GSG1L: variants seen among roughly 807,000 people sequenced by gnomAD.
GSG1L encodes the protein germ cell-specific gene 1-like protein.
In GSG1L, 24 loss-of-function variants were observed where a neutral mutation model predicts 42.1. That is an observed-to-expected ratio of 0.57 (90% CI 0.41 to 0.80). The LOEUF is 0.80. Among genes scored for constraint, GSG1L ranks in the 30% least tolerant of loss-of-function variants. The probability of loss-of-function intolerance (pLI) is 0.00; values close to 1 mark genes in which losing one functional copy is unlikely to be tolerated. For missense variants in GSG1L, 445 were observed against 472.2 expected (o/e 0.94, Z 0.53); for synonymous variants, 215 against 203.5 (o/e 1.06, Z -0.48).
intron 1 of GSG1L, among the ~76,000 whole-genome samples, chr16:28,039,827 AACAC>A: frequency 6.6e-6 from 1 of 151,916 alleles, no homozygotes; most frequent in South Asian, 2.1e-4. Flanking sequence ...CACACATATA[AACAC>A]ACACACACAA....
At chr16:27,852,752 G>A (rs537469781) in intron 3 of GSG1L, among the ~76,000 whole-genome samples, 196 of 152,252 alleles carry the variant, frequency 1.3e-3, no homozygotes, top group African/African-American at 4.3e-3. Context: ...TGCAACTTTC[G>A]GAGCAAAGTG....
chr16:27,914,096 A>G (rs1295663796), intron 2 of GSG1L, among the ~76,000 whole-genome samples: 2 of 151,890 alleles, frequency 1.3e-5, no homozygotes, highest in Non-Finnish European at 2.9e-5. Context: ...TCTCAGGAGC[A>G]TTTTTCTGTG....
intron 6 of GSG1L, among the ~76,000 whole-genome samples, chr16:27,796,975 C>G (rs1180111901): frequency 6.6e-6 from 1 of 152,158 alleles, no homozygotes. Context: ...ATGACAAGAC[C>G]AGACATGCCT....
At chr16:27,985,663 G>C (rs2085374034) in intron 1 of GSG1L, among the ~76,000 whole-genome samples, 1 of 151,870 alleles carries the variant, frequency 6.6e-6, no homozygotes, top group Admixed American at 6.6e-5. Flanking sequence ...GACCAACATG[G>C]AGAAACTCCA....
At chr16:27,870,365 G>C (rs147338180) in intron 3 of GSG1L, among the ~76,000 whole-genome samples, 5 of 119,852 alleles carry the variant, frequency 4.2e-5, no homozygotes, top group African/African-American at 1.7e-4. Flanking sequence ...TCTCTGTCTC[G>C]TCCATCACTC....
At chr16:27,825,938 T>A (rs2083203268) in intron 5 of GSG1L, among the ~76,000 whole-genome samples, 1 of 152,186 alleles carries the variant, frequency 6.6e-6, no homozygotes, top group Non-Finnish European at 1.5e-5. Context: ...TGTGAGTCAA[T>A]TAAACCTCTT....
intron 3 of GSG1L, among the ~76,000 whole-genome samples, chr16:27,849,834 G>A (rs562886738): frequency 1.3e-4 from 20 of 150,866 alleles, no homozygotes; most frequent in African/African-American, 4.9e-4. Context: ...CCTGGGGCAA[G>A]TTTTGAGGGT....
rs1214362905 is a variant in GSG1L at position 27,978,643 on chromosome 16, A to T, written c.350-15440T>A. Among the ~76,000 whole-genome samples, 123 of 142,698 alleles carry T rather than the reference A, an allele frequency of 8.6e-4. 1 individual carries two copies. The Admixed American group carries it at 9.0e-3, about 10-fold the overall frequency. The allele number at this position is 142,698 out of a possible 152,430, so 93.6% of individuals were successfully genotyped here. Reference sequence around the variant, plus strand: ...GAGGCGGAGGTTGCAGTGAGCAGAGATCTCGCCACTGCACTCCAGCCTGGG... The same window carrying T: ...GAGGCGGAGGTTGCAGTGAGCAGAGTTCTCGCCACTGCACTCCAGCCTGGG... On this transcript the variant is annotated intron_variant, in intron 1 of 6. Transcript: ENST00000447459.
chr16:28,055,877 TC>T (rs1336741906), intron 1 of GSG1L, among the ~76,000 whole-genome samples: 1 of 152,086 alleles, frequency 6.6e-6, no homozygotes, highest in Non-Finnish European at 1.5e-5. Context: ...GGTTGCAGCA[TC>T]CTCACAAGAC....
chr16:27,895,453 C>T (rs186118680), intron 2 of GSG1L, among the ~76,000 whole-genome samples: 144 of 152,252 alleles, frequency 9.5e-4, no homozygotes, highest in African/African-American at 3.2e-3. Flanking sequence ...ATACTGCAGC[C>T]GTGCAACATT....
chr16:27,827,890 CCA>C (rs1451908428), intron 5 of GSG1L, among the ~76,000 whole-genome samples: 21 of 94,744 alleles, frequency 2.2e-4, no homozygotes, highest in Admixed American at 5.5e-4. Context: ...ATCCATCCAT[CCA>C]TCCATCCATC....
At chr16:27,842,610 G>A (rs944044494) in intron 4 of GSG1L, among the ~76,000 whole-genome samples, 1 of 152,010 alleles carries the variant, frequency 6.6e-6, no homozygotes, top group African/African-American at 2.4e-5. Context: ...AGGGGGAAGG[G>A]TTGGGTAAAG....
chr16:27,850,268 A>C (rs1475608333), intron 3 of GSG1L, among the ~76,000 whole-genome samples: 1 of 151,160 alleles, frequency 6.6e-6, no homozygotes, highest in Non-Finnish European at 1.5e-5. Context: ...ATCTCAGGTG[A>C]TCTGCCCACC....
chr16:27,923,770 AAG>A (rs1178395689), intron 2 of GSG1L, among the ~76,000 whole-genome samples: 1 of 133,892 alleles, frequency 7.5e-6, no homozygotes. Flanking sequence ...GAAAGAAAGA[AAG>A]AGAGAGAGAG....
intron 2 of GSG1L, among the ~76,000 whole-genome samples, chr16:27,961,417 C>A (rs1474631503): frequency 6.6e-6 from 1 of 152,184 alleles, no homozygotes; most frequent in Non-Finnish European, 1.5e-5. Context: ...GGCTGCACAT[C>A]CCAGAAGGCT....
chr16:27,966,230 CTTCCTTCTGGATGGA>C (rs1251471520), intron 1 of GSG1L, among the ~76,000 whole-genome samples: 1 of 152,230 alleles, frequency 6.6e-6, no homozygotes, highest in Non-Finnish European at 1.5e-5. Flanking sequence ...CACTCTCCAT[CTTCCTTCTGGATGGA>C]TTCCTAACAG....
chr16:27,919,418 G>A (rs1185241021), intron 2 of GSG1L, among the ~76,000 whole-genome samples: 1 of 152,006 alleles, frequency 6.6e-6, no homozygotes, highest in African/African-American at 2.4e-5. Flanking sequence ...CTCTCTTTCT[G>A]TTCCTCAAAA....
At chr16:28,007,021 G>C in intron 1 of GSG1L, among the ~76,000 whole-genome samples, 1 of 152,168 alleles carries the variant, frequency 6.6e-6, no homozygotes, top group East Asian at 1.9e-4. Context: ...GGGAGCCCCA[G>C]GCTCCACCCA....
chr16:27,888,560 TTTCTTTCTTTCTTTC>T (rs2084082178), intron 2 of GSG1L, among the ~76,000 whole-genome samples: 2 of 127,362 alleles, frequency 1.6e-5, no homozygotes, highest in African/African-American at 3.0e-5. Flanking sequence ...TCTTTCTTTC[TTTCTTTCTTTCTTTC>T]TTTCTTTCTC....
Sources: allele counts gnomAD v4.1 joint callset (sites outside exome capture counted in the v4.1 genomes callset), GRCh38; gene constraint gnomAD v4.1.1; transcripts MANE v1.5; gene names NCBI Gene and HGNC (gene_info 2026-07-23, HGNC 2026-07-21).